The following PPFIBP2 variants were observed in gnomAD, a reference collection of about 807,000 sequenced individuals.
PPFIBP2 encodes the protein liprin-beta-2.
A neutral mutation model predicts 118.3 loss-of-function variants in PPFIBP2; 118 were observed. The observed-to-expected ratio is 1.00, with a 90% CI of 0.86 to 1.16. The LOEUF (loss-of-function observed/expected upper bound fraction) is 1.16. PPFIBP2 is among the 50% of genes most tolerant of loss of function. The pLI, the probability that PPFIBP2 is intolerant of heterozygous loss-of-function variation, is 0.00. For synonymous variants in PPFIBP2, 414 were observed against 397.4 expected, an observed-to-expected ratio of 1.04 and a Z score of -0.50; for missense variants, 1,195 against 1,073.1, an observed-to-expected ratio of 1.11 and a Z score of -1.59.
At chr11:7,666,046 GGGGCTCA>G in the PPFIBP2 span, 1 of 791,960 alleles carries the variant, frequency 1.3e-6, no homozygotes. Flanking sequence ...CAGCTGTCTG[GGGGCTCA>G]GCATGTCCAG....
intron 3 of PPFIBP2, among the ~76,000 whole-genome samples, chr11:7,590,231 G>A (rs920262029): frequency 6.6e-6 from 1 of 152,162 alleles, no homozygotes; most frequent in Non-Finnish European, 1.5e-5. Context: ...TCTGAAGAAC[G>A]CAGTTTTTTT....
Position 7,628,294 on chromosome 11 carries a change from T to C in PPFIBP2, c.836T>C (p.Ile279Thr). ...SESHTERDQE[I>T]QRLKMGMETL... ...ACCTGAATTCTTTTAGACCAAGAAA[T>C]TCAACGTCTGAAAATGGGGATGGAA... is the stretch of plus-strand genomic sequence containing the variant. Residue 279 changes from isoleucine to threonine, a missense_variant, in exon 9 of 24, where the codon ATT (isoleucine) becomes ACT (threonine). Transcript: ENST00000299492. 1 of 1,613,800 alleles carries C rather than the reference T, an allele frequency of 6.2e-7. No individual in the cohort carries two copies. The highest frequency in any genetic ancestry group is 8.5e-7 in the Non-Finnish European group (1 of 1,179,770).
At chr11:7,666,100 A>T in the PPFIBP2 span, 2 of 632,624 alleles carry the variant, frequency 3.2e-6, no homozygotes, top group South Asian at 3.6e-5. Context: ...GGCCGTAAGC[A>T]GAAGGGTGAG....
chr11:7,617,114 G>A (rs766177246), intron 6 of PPFIBP2: 30 of 985,256 alleles, frequency 3.0e-5, no homozygotes, highest in African/African-American at 1.6e-4. Context: ...TCCTACAGTC[G>A]GTTCTGAATG....
chr11:7,628,910 G>T (rs1016269928), intron 9 of PPFIBP2, among the ~76,000 whole-genome samples: 2 of 152,130 alleles, frequency 1.3e-5, no homozygotes, highest in African/African-American at 4.8e-5. Flanking sequence ...TTTGGCCCAA[G>T]GTCAGGTAAC....
In PPFIBP2 at chr11:7,565,554, C is replaced by T. The variant is rs368017188; in HGVS notation, c.66C>T (p.Gly22=). 1.4e-5 allele frequency: 23 copies of T among 1,614,078 alleles called. No homozygotes were observed. Among genetic ancestry groups the T allele is most frequent in the Middle Eastern group, 1.6e-4 (1 of 6,082 alleles). ...GTTTTCACCTCTCTCTCATTGCAGG[C>T]ACTAAAACAGGTGCAGATCTTAGTG... ...ALEQMDGIIA[G]TKTGADLSDG... is the part of the protein sequence containing the mutation. Residue 22 remains glycine (G), a splice_region_variant and synonymous_variant, in exon 3 of 24, where the codon GGC becomes GGT. Transcript: ENST00000299492.
intron 1 of PPFIBP2, among the ~76,000 whole-genome samples, chr11:7,515,081 A>C (rs1849120022): frequency 6.6e-6 from 1 of 152,246 alleles, no homozygotes. Context: ...ATTCATCTTC[A>C]GCATATTCAG....
At chr11:7,619,989 C>T (rs1475335509) in intron 6 of PPFIBP2, among the ~76,000 whole-genome samples, 1 of 152,146 alleles carries the variant, frequency 6.6e-6, no homozygotes, top group Admixed American at 6.5e-5. Context: ...GTCAGCAGGA[C>T]CAATTGTCTG....
chr11:7,602,044 G>A (rs1430667458), intron 5 of PPFIBP2, among the ~76,000 whole-genome samples: 1 of 123,932 alleles, frequency 8.1e-6, no homozygotes, highest in Non-Finnish European at 1.6e-5. Context: ...AGTGAGCCAA[G>A]ATCACGCCAT....
rs571070923 is a variant in PPFIBP2 at position 7,653,318 on chromosome 11, G to T, written c.*100G>T. ...TCACCCCCGCACGTGTGCATGACTCGCAGAGAATATTCCAGCAATTGTGTA... is the reference window on the plus strand; with the variant it reads ...TCACCCCCGCACGTGTGCATGACTCTCAGAGAATATTCCAGCAATTGTGTA... On this transcript the variant is annotated 3_prime_UTR_variant, in exon 24 of 24. Transcript: ENST00000299492. 6.5e-7 allele frequency: 1 copy of T among 1,541,762 alleles called. No individual in the cohort carries two copies. Among genetic ancestry groups the T allele is most frequent in the South Asian group, 1.2e-5 (1 of 81,782 alleles).
chr11:7,611,774 A>G (rs918483076), intron 6 of PPFIBP2, among the ~76,000 whole-genome samples: 2 of 152,252 alleles, frequency 1.3e-5, no homozygotes, highest in African/African-American at 4.8e-5. Flanking sequence ...GCTTTTATTG[A>G]TCACTTACTG....
At chr11:7,648,940 T>C (rs759809109) in intron 19 of PPFIBP2, 29 bp downstream of exon 19, 15 of 1,576,160 alleles carry the variant, frequency 9.5e-6, no homozygotes, top group Non-Finnish European at 1.3e-5. Flanking sequence ...GTATTAAGAA[T>C]GTCTCTGGCA....
chr11:7,635,468 C>A, intron 13 of PPFIBP2, 84 bp from the exon 14 acceptor site: 1 of 1,324,508 alleles, frequency 7.5e-7, no homozygotes, highest in Non-Finnish European at 1.1e-6. Context: ...TTTAAGCAAA[C>A]AGGTAGTCCT....
chr11:7,652,900 T>C lies in PPFIBP2; in HGVS notation c.2437-124T>C. The stretch of plus-strand genomic sequence containing the variant: ...AGAGCTCTGTTTTGTTCAGAGTCTT[T>C]CTAGGAGCAGTTTACATTATTCCTC... On this transcript the variant is annotated intron_variant, in intron 23 of 23. Transcript: ENST00000299492. The C allele has an allele frequency of 5.2e-6, 6 of 1,153,052 alleles. No individual in the cohort carries two copies. In the East Asian group the frequency reaches 9.5e-5, roughly 18 times the overall value. 71.4% of individuals were successfully genotyped at this position (1,153,052 alleles called of 1,614,324 possible). A position where few individuals can be genotyped will look rare whatever the true frequency, so the allele number is the denominator to read the frequency against.
chr11:7,649,786 C>T, intron 21 of PPFIBP2, 132 bp downstream of exon 21: 2 of 1,356,838 alleles, frequency 1.5e-6, no homozygotes, highest in Non-Finnish European at 2.0e-6. Context: ...CTTTTGTTTG[C>T]TTGTGCTTCC....
At chr11:7,533,922 C>T (rs1850977162) in intron 1 of PPFIBP2, among the ~76,000 whole-genome samples, 1 of 152,186 alleles carries the variant, frequency 6.6e-6, no homozygotes, top group African/African-American at 2.4e-5. Flanking sequence ...AGCAGAGGAG[C>T]ATGTCATGAG....
At chr11:7,621,739 C>T (rs1008283450) in intron 7 of PPFIBP2, among the ~76,000 whole-genome samples, 2 of 152,184 alleles carry the variant, frequency 1.3e-5, no homozygotes, top group African/African-American at 2.4e-5. Context: ...AGTTAGGTTT[C>T]CTTTGGGAGT....
chr11:7,537,885 C>A (rs1040444543), intron 1 of PPFIBP2, among the ~76,000 whole-genome samples: 1 of 152,188 alleles, frequency 6.6e-6, no homozygotes, highest in African/African-American at 2.4e-5. Context: ...TGGCATCTCC[C>A]CAAACCATTC....
chr11:7,538,121 CAGA>C (rs1241834383), intron 1 of PPFIBP2, among the ~76,000 whole-genome samples: 1 of 152,182 alleles, frequency 6.6e-6, no homozygotes, highest in African/African-American at 2.4e-5. Context: ...TCCTGAAGCC[CAGA>C]AGGTCAGATG....
Sources: gnomAD v4.1 joint callset for allele counts (sites outside exome capture counted in the v4.1 genomes callset) on GRCh38, gnomAD v4.1.1 for gene constraint, MANE v1.5 for transcripts, NCBI Gene and HGNC (gene_info 2026-07-23, HGNC 2026-07-21) for gene names.